The following TAF4 variants were observed in gnomAD, a reference collection of about 807,000 sequenced individuals.
The protein encoded by TAF4 is transcription initiation factor TFIID subunit 4.
TAF4 carries 9 observed loss-of-function variants against 90.3 expected under a neutral mutation model. That is an observed-to-expected ratio of 0.10 (90% CI 0.06 to 0.17). The LOEUF is 0.17. Among genes scored for constraint, TAF4 ranks in the 10% least tolerant of loss-of-function variants. The pLI is 1.00. For synonymous variants in TAF4, 818 were observed against 638.9 expected (o/e 1.28, Z -4.23); for missense variants, 1,351 against 1,370.7 (o/e 0.99, Z 0.23).
chr20:62,028,373 T>C (rs534296076), intron 1 of TAF4, among the ~76,000 whole-genome samples: 4 of 152,294 alleles, frequency 2.6e-5, no homozygotes, highest in Admixed American at 2.6e-4. Context: ...TTGAAAAACA[T>C]GGGTCAAACT....
intron 6 of TAF4, chr20:62,007,028 T>C: frequency 2.7e-6 from 1 of 371,384 alleles, no homozygotes; most frequent in South Asian, 1.2e-4. Context: ...TTAAAATATG[T>C]TAACATCACT....
intron 2 of TAF4, among the ~76,000 whole-genome samples, chr20:62,013,902 C>T (rs1409678855): frequency 8.1e-6 from 1 of 123,448 alleles, no homozygotes; most frequent in African/African-American, 3.0e-5. Flanking sequence ...TGAAGGCTGA[C>T]GCGGGTGTGT....
chr20:61,976,288 G>A lies in TAF4; in HGVS notation c.3138C>T (p.Thr1046=). 6.2e-7 allele frequency: 1 copy of A among 1,613,886 alleles called. No individual in the cohort carries two copies. The highest frequency in any genetic ancestry group is 8.5e-7 in the Non-Finnish European group (1 of 1,180,030). ...SVVPGSSGVG[T]PRQFTRQRIT... ...TTCTTTGTCGCGTGAACTGTCTGGG[G>A]GTTCCGACACCCGAGCTGCCTGGGA... The change falls in exon 15 of 15, where the codon ACC becomes ACT. Residue 1046 remains threonine, a synonymous_variant. Coordinates refer to ENST00000252996, the MANE Select transcript of TAF4 (RefSeq NM_003185.4).
rs1180926364 is a variant in TAF4, at chr20:61,974,904, CAAGT to C, written c.*1260_*1263del. 1 of 152,248 alleles carries C rather than the reference CAAGT, an allele frequency of 6.6e-6. No homozygotes were observed. Among genetic ancestry groups the C allele is most frequent in the East Asian group, 1.9e-4 (1 of 5,204 alleles). The allele number at this position is 152,248 out of a possible 1,614,324, so 9.4% of individuals were successfully genotyped here. A position where few individuals can be genotyped will look rare whatever the true frequency, so the allele number is the denominator to read the frequency against. On this transcript the variant is annotated 3_prime_UTR_variant, in exon 15 of 15. Coordinates refer to ENST00000252996, the MANE Select transcript of TAF4 (RefSeq NM_003185.4). The surrounding 1 kb of genome is among the most constrained non-coding windows in gnomAD (Gnocchi z 4.1). The stretch of plus-strand genomic sequence containing the variant: ...TGAAAGTAAAATATTTACATATGAA[CAAGT>C]AACTGTGCAAAATTTACATGAAAAA...
chr20:62,043,059 C>T (rs533971140), intron 1 of TAF4, among the ~76,000 whole-genome samples: 3 of 152,294 alleles, frequency 2.0e-5, no homozygotes, highest in African/African-American at 4.8e-5. Flanking sequence ...TGGTGGCACA[C>T]GTCTGTAAAC....
At chr20:62,037,597 A>T (rs1228399095) in intron 1 of TAF4, 1 of 152,938 alleles carries the variant, frequency 6.5e-6, no homozygotes, top group Non-Finnish European at 1.5e-5. Flanking sequence ...GAAGTCCCAC[A>T]GCGCATCCTG....
At chr20:61,981,636 A>G (rs922814895) in intron 14 of TAF4, among the ~76,000 whole-genome samples, 3 of 152,168 alleles carry the variant, frequency 2.0e-5, no homozygotes, top group African/African-American at 7.2e-5. Flanking sequence ...AGACACAGAA[A>G]GGAGGAAAAG....
intron 1 of TAF4, among the ~76,000 whole-genome samples, chr20:62,018,649 G>A (rs2034788406): frequency 6.6e-6 from 1 of 152,218 alleles, no homozygotes; most frequent in African/African-American, 2.4e-5. Flanking sequence ...GTGGGACACT[G>A]GCCGTGTCCC....
At chr20:62,025,278 A>G (rs940996610) in intron 1 of TAF4, among the ~76,000 whole-genome samples, 2 of 152,260 alleles carry the variant, frequency 1.3e-5, no homozygotes, top group Non-Finnish European at 2.9e-5. Flanking sequence ...GCAACTCCAA[A>G]GTACACCAAA....
At chr20:62,029,264 ATTCTT>A (rs1162761132) in intron 1 of TAF4, among the ~76,000 whole-genome samples, 1 of 152,000 alleles carries the variant, frequency 6.6e-6, no homozygotes, top group African/African-American at 2.4e-5. Flanking sequence ...TGTTGTACTC[ATTCTT>A]TTAAGTTTGA....
At chr20:61,984,391 G>A (rs77299823) in intron 14 of TAF4, among the ~76,000 whole-genome samples, 84 of 152,322 alleles carry the variant, frequency 5.5e-4, no homozygotes, top group Non-Finnish European at 1.1e-3. Context: ...CCCATCTCTC[G>A]GAACTCAGCC....
chr20:62,046,075 T>A (rs2145507556), intron 1 of TAF4, among the ~76,000 whole-genome samples: 1 of 152,346 alleles, frequency 6.6e-6, no homozygotes, highest in East Asian at 1.9e-4. Flanking sequence ...GGTGCCCCCG[T>A]GCAGCAGACG....
At chr20:62,056,860 A>C (rs922575113) in intron 1 of TAF4, among the ~76,000 whole-genome samples, 2 of 152,338 alleles carry the variant, frequency 1.3e-5, no homozygotes, top group Admixed American at 1.3e-4. Context: ...ATAATTTTTT[A>C]CACTTACAGT....
intron 1 of TAF4, among the ~76,000 whole-genome samples, chr20:62,042,317 C>T (rs1189495115): frequency 6.6e-6 from 1 of 152,226 alleles, no homozygotes; most frequent in Non-Finnish European, 1.5e-5. Context: ...CATCCCCTTG[C>T]CAGCTCATCC....
At chr20:62,064,401 C>A in intron 1 of TAF4, 50 bp downstream of exon 1, 1 of 1,277,734 alleles carries the variant, frequency 7.8e-7, no homozygotes, top group African/African-American at 1.5e-5. Context: ...GAACTGGCAG[C>A]TGGCGCTGCT....
At chr20:62,022,450 G>C (rs2055848916) in intron 1 of TAF4, among the ~76,000 whole-genome samples, 1 of 152,192 alleles carries the variant, frequency 6.6e-6, no homozygotes, top group South Asian at 2.1e-4. Context: ...CCCTGCAGTG[G>C]AAAGGGGTGG....
Position 62,006,472 on chromosome 20 carries a change from G to A in TAF4, c.2223+38C>T. On this transcript the variant is annotated intron_variant, in intron 7 of 14. Coordinates refer to ENST00000252996, the MANE Select transcript of TAF4 (RefSeq NM_003185.4). The surrounding 1 kb of genome is among the most constrained non-coding windows in gnomAD (Gnocchi z 7.0). The stretch of plus-strand genomic sequence containing the variant: ...AAGAAGCGGGCGGGAGCAGAGGCAC[G>A]GTGGGCTGTGCAGACCAGTCAGGCG... 6.5e-6 allele frequency: 9 copies of A among 1,392,736 alleles called. No individual in the cohort carries two copies. Among genetic ancestry groups the A allele is most frequent in the Middle Eastern group, 2.7e-4 (1 of 3,656 alleles). The allele number at this position is 1,392,736 out of a possible 1,614,324, so 86.3% of individuals were successfully genotyped here.
intron 1 of TAF4, among the ~76,000 whole-genome samples, chr20:62,029,014 G>A (rs2055888889): frequency 6.6e-6 from 1 of 151,892 alleles, no homozygotes; most frequent in Admixed American, 6.6e-5. Context: ...GGCTAACATA[G>A]TGAAAACCCG....
At chr20:61,981,366 T>C (rs1200683642) in intron 14 of TAF4, 1 of 152,168 alleles carries the variant, frequency 6.6e-6, no homozygotes, top group African/African-American at 2.4e-5. Flanking sequence ...GAAAATCTGC[T>C]TAAGTGTGCA....
Sources: allele counts gnomAD v4.1 joint callset (sites outside exome capture counted in the v4.1 genomes callset), GRCh38; gene constraint gnomAD v4.1.1; non-coding constraint Gnocchi (gnomAD v3.1); transcripts MANE v1.5; gene names NCBI Gene and HGNC (gene_info 2026-07-23, HGNC 2026-07-21).